Variants in ATP8B4 observed in about 807,000 individuals in gnomAD.
ATP8B4 encodes the protein probable phospholipid-transporting ATPase IM.
A neutral mutation model predicts 145.6 loss-of-function variants in ATP8B4; 133 were observed. That is an observed-to-expected ratio of 0.91 (90% confidence interval 0.79 to 1.05). The LOEUF (loss-of-function observed/expected upper bound fraction) is 1.05. Among genes scored for constraint, ATP8B4 ranks in the 50% least tolerant of loss-of-function variants. The pLI is 0.00. For missense variants in ATP8B4, 1,458 were observed against 1,425.2 expected (o/e 1.02, Z -0.37); for synonymous variants, 507 against 492.9 (o/e 1.03, Z -0.38).
chr15:49,971,345 G>T (rs561189454), intron 13 of ATP8B4, among the ~76,000 whole-genome samples: 1 of 152,136 alleles, frequency 6.6e-6, no homozygotes, highest in East Asian at 1.9e-4. Context: ...CCTACAGAAT[G>T]GGAGAAAATA....
chr15:49,967,696 C>A (rs909885806), intron 13 of ATP8B4, among the ~76,000 whole-genome samples: 1 of 152,166 alleles, frequency 6.6e-6, no homozygotes, highest in African/African-American at 2.4e-5. Flanking sequence ...TTGGAAAACA[C>A]CCTTCAGGAT....
chr15:50,004,107 T>C (rs934865960), intron 7 of ATP8B4, among the ~76,000 whole-genome samples: 1 of 152,168 alleles, frequency 6.6e-6, no homozygotes, highest in Admixed American at 6.5e-5. Context: ...TTCCTACTCC[T>C]TGATGGCCTT....
At chr15:50,087,201 TATA>T (rs1243243776) in intron 2 of ATP8B4, among the ~76,000 whole-genome samples, 3 of 130,184 alleles carry the variant, frequency 2.3e-5, no homozygotes, top group Non-Finnish European at 1.5e-5. Flanking sequence ...GTATATTATA[TATA>T]ATAAAATAAT....
chr15:50,091,596 C>G (rs1331316069), intron 2 of ATP8B4, among the ~76,000 whole-genome samples: 1 of 152,170 alleles, frequency 6.6e-6, no homozygotes, highest in Non-Finnish European at 1.5e-5. Flanking sequence ...TAGTTTGAAG[C>G]ATTTCCAAAT....
chr15:49,909,202 T>G (rs1425845899), intron 20 of ATP8B4, among the ~76,000 whole-genome samples: 1 of 151,984 alleles, frequency 6.6e-6, no homozygotes, highest in Non-Finnish European at 1.5e-5. Flanking sequence ...CCCTGCTCCA[T>G]CCACCATCCA....
intron 6 of ATP8B4, among the ~76,000 whole-genome samples, chr15:50,024,483 C>T (rs564098275): frequency 1.4e-4 from 21 of 152,254 alleles, no homozygotes; most frequent in Admixed American, 4.6e-4. Flanking sequence ...AAAATGAAGC[C>T]TTAAATTTAG....
intron 3 of ATP8B4, among the ~76,000 whole-genome samples, chr15:50,072,006 CCT>C (rs1567303832): frequency 6.7e-6 from 1 of 150,166 alleles, no homozygotes; most frequent in African/African-American, 2.5e-5. Flanking sequence ...ATTTAAGCTA[CCT>C]CTCCTAAATA....
At chr15:49,998,622 T>C (rs2047623864) in intron 8 of ATP8B4, among the ~76,000 whole-genome samples, 1 of 152,196 alleles carries the variant, frequency 6.6e-6, no homozygotes, top group Non-Finnish European at 1.5e-5. Context: ...TTGAGTTCAT[T>C]GTAGATTCTG....
At chr15:50,088,349 A>C (rs1426991946) in intron 2 of ATP8B4, among the ~76,000 whole-genome samples, 2 of 151,858 alleles carry the variant, frequency 1.3e-5, no homozygotes, top group African/African-American at 4.8e-5. Flanking sequence ...CCCTCTAAAA[A>C]AAAAAACAAA....
chr15:50,121,889 G>A (rs986212893), upstream of ATP8B4, among the ~76,000 whole-genome samples: 2 of 151,992 alleles, frequency 1.3e-5, no homozygotes, highest in African/African-American at 2.4e-5. Context: ...CAAAAATCTC[G>A]TGATCATATT....
intron 23 of ATP8B4, among the ~76,000 whole-genome samples, chr15:49,881,268 A>T (rs1294962021): frequency 6.6e-6 from 1 of 152,208 alleles, no homozygotes; most frequent in Admixed American, 6.5e-5. Flanking sequence ...TACTATACAG[A>T]CCCAATATAA....
At chr15:49,860,643 G>A (rs1166084997) in intron 27 of ATP8B4, among the ~76,000 whole-genome samples, 168 bp from the exon 28 acceptor site, 1 of 151,954 alleles carries the variant, frequency 6.6e-6, no homozygotes, top group Admixed American at 6.6e-5. Context: ...AGATAACACT[G>A]GGGGGGCACT....
intron 1 of ATP8B4, among the ~76,000 whole-genome samples, chr15:50,147,420 CAAAAAAAA>C (rs11346792): frequency 8.1e-6 from 1 of 122,802 alleles, no homozygotes. Flanking sequence ...ACACTGTCTC[CAAAAAAAA>C]AAAAAAAAAA....
rs564630765 is a variant in ATP8B4, at chr15:50,034,746, A to C, written c.362+4022T>G. Among the ~76,000 whole-genome samples the C allele has an allele frequency of 1.5e-3, 223 of 152,272 alleles. 1 individual carries two copies. Among genetic ancestry groups the C allele is most frequent in the Middle Eastern group, 0.01 (3 of 294 alleles). On this transcript the variant is annotated intron_variant, in intron 6 of 27. Transcript: ENST00000284509. ...TTTTTAACTCCTCCAAGTGATTCTA[A>C]TGTGATGTCCAGTTTGAGGAGCGTG... is the stretch of plus-strand genomic sequence containing the variant.
intron 20 of ATP8B4, among the ~76,000 whole-genome samples, chr15:49,916,365 C>T (rs540900574): frequency 7.9e-5 from 12 of 152,246 alleles, no homozygotes; most frequent in Admixed American, 7.8e-4. Context: ...TTTTATTTCA[C>T]ATAAACAGTA....
At position 49,972,587 on chromosome 15, in the gene ATP8B4, A is replaced by T. The variant is rs200015133; in HGVS notation, c.1238T>A (p.Ile413Asn). ...TFKRCSINGR[I>N]YGEVHDDLDQ... ...AAAGGAACTGTTTCTCTTACCATAG[A>T]TTCTCCCATTAATGGAACATCTTTT... Residue 413 changes from isoleucine (I) to asparagine (N), a missense_variant, in exon 13 of 28, where the codon ATC (isoleucine) becomes AAC (asparagine). Transcript: ENST00000284509. 172 of 1,611,794 alleles carry T rather than the reference A, an allele frequency of 1.1e-4. 1 individual carries two copies. The highest frequency in any genetic ancestry group is 1.4e-4 in the Non-Finnish European group (164 of 1,178,234).
intron 27 of ATP8B4, among the ~76,000 whole-genome samples, chr15:49,860,807 T>A (rs1178578217): frequency 1.3e-5 from 2 of 152,196 alleles, no homozygotes; most frequent in Non-Finnish European, 2.9e-5. Context: ...CATAATAATT[T>A]ATAATTTCAT....
intron 8 of ATP8B4, among the ~76,000 whole-genome samples, chr15:49,999,373 G>A (rs1316818419): frequency 4.3e-5 from 6 of 139,152 alleles, no homozygotes; most frequent in Admixed American, 1.5e-4. Context: ...ATCACACTCT[G>A]GGGACTGTTG....
intron 13 of ATP8B4, among the ~76,000 whole-genome samples, chr15:49,963,676 C>A (rs1226629669): frequency 6.6e-6 from 1 of 152,164 alleles, no homozygotes; most frequent in Non-Finnish European, 1.5e-5. Context: ...CCAAACACTG[C>A]ATGTTCTCAC....
Sources: allele counts gnomAD v4.1 joint callset (sites outside exome capture counted in the v4.1 genomes callset), GRCh38; gene constraint gnomAD v4.1.1; transcripts MANE v1.5; gene names NCBI Gene and HGNC (gene_info 2026-07-23, HGNC 2026-07-21).